Variants in TXNRD2 observed in about 807,000 individuals in gnomAD.
TXNRD2 encodes the protein thioredoxin reductase 2.
TXNRD2 carries 67 observed loss-of-function variants against 70.8 expected under a neutral mutation model. That is an observed-to-expected ratio of 0.95 (90% CI 0.78 to 1.16). The LOEUF (loss-of-function observed/expected upper bound fraction) is 1.16. TXNRD2 is among the 50% of genes most tolerant of loss of function. TXNRD2 has a pLI of 0.00. For missense variants in TXNRD2, 644 were observed against 719.9 expected (o/e 0.89, Z 1.21); for synonymous variants, 301 against 295.8 (o/e 1.02, Z -0.18).
intron 16 of TXNRD2, among the ~76,000 whole-genome samples, chr22:19,877,882 T>C (rs562010469): frequency 3.3e-5 from 5 of 152,328 alleles, no homozygotes; most frequent in African/African-American, 1.2e-4. Flanking sequence ...TGGCTCTGGC[T>C]GGCTCAACAG....
Position 19,918,997 on chromosome 22 carries a change from C to T in TXNRD2, c.237G>A (p.Arg79=), listed in dbSNP as rs768382426. 7 of 1,609,814 alleles carry T rather than the reference C, an allele frequency of 4.3e-6. No homozygotes were observed. The highest frequency in any genetic ancestry group is 5.9e-6 in the Non-Finnish European group (7 of 1,179,678). ...DYVEPSPQGT[R]WGLGGTCVNV... is the part of the protein sequence containing the mutation. ...TGACGCAGGTGCCGCCGAGGCCCCA[C>T]CGGGTGCCTGGGACGTGGGAAGAGC... The change falls in exon 4 of 18, where the codon CGG becomes CGA. Residue 79 remains arginine (R), a synonymous_variant. Coordinates refer to ENST00000400521, the MANE Select transcript of TXNRD2 (RefSeq NM_006440.5).
At chr22:19,923,191 C>T (rs1275795916) in intron 2 of TXNRD2, among the ~76,000 whole-genome samples, 1 of 152,174 alleles carries the variant, frequency 6.6e-6, no homozygotes, top group Non-Finnish European at 1.5e-5. Context: ...TAACTCTTAA[C>T]TATCTCCACC....
At chr22:19,932,705 C>T (rs1362263555) in intron 1 of TXNRD2, among the ~76,000 whole-genome samples, 2 of 152,178 alleles carry the variant, frequency 1.3e-5, no homozygotes, top group South Asian at 2.1e-4. Flanking sequence ...TCTGCAGACA[C>T]GAGCCTGCCC....
chr22:19,876,923 T>C, intron 17 of TXNRD2, 117 bp downstream of exon 17: 1 of 671,182 alleles, frequency 1.5e-6, no homozygotes, highest in Non-Finnish European at 2.3e-6. Context: ...GGAGCACCCA[T>C]TCTGGGTGGC....
At chr22:19,884,259 G>A (rs1601391116) in intron 11 of TXNRD2, 3 of 152,506 alleles carry the variant, frequency 2.0e-5, no homozygotes, top group East Asian at 3.9e-4. Flanking sequence ...ACGGACACTG[G>A]TCAGATGACA....
At chr22:19,940,263 A>AG (rs1305791428) in intron 1 of TXNRD2, among the ~76,000 whole-genome samples, 1 of 151,374 alleles carries the variant, frequency 6.6e-6, no homozygotes, top group African/African-American at 2.4e-5. Context: ...AAAAAAAAAA[A>AG]AAACCCCAAA....
At chr22:19,911,227 C>T in intron 8 of TXNRD2, 150 bp downstream of exon 8, 1 of 722,198 alleles carries the variant, frequency 1.4e-6, no homozygotes. Context: ...TGAGCCACCA[C>T]ACCTGGCCAC....
chr22:19,880,086 C>T (rs1399803252), intron 14 of TXNRD2, 93 bp downstream of exon 14: 4 of 1,343,480 alleles, frequency 3.0e-6, no homozygotes, highest in South Asian at 2.4e-5. Flanking sequence ...AAAGGAGAGA[C>T]CTTGGCACCC....
chr22:19,918,312 G>T (rs1222493706), intron 4 of TXNRD2, 95 bp from the exon 5 acceptor site: 2 of 1,150,976 alleles, frequency 1.7e-6, no homozygotes, highest in Non-Finnish European at 2.6e-6. Flanking sequence ...TACATTCATA[G>T]AAATATCAAA....
intron 7 of TXNRD2, among the ~76,000 whole-genome samples, chr22:19,912,390 C>T (rs1940453260): frequency 6.6e-6 from 1 of 152,020 alleles, no homozygotes; most frequent in East Asian, 1.9e-4. Context: ...CCTGAGCTGC[C>T]TGCCTCCTAA....
chr22:19,927,759 A>G (rs1436658971), intron 2 of TXNRD2, among the ~76,000 whole-genome samples: 1 of 152,100 alleles, frequency 6.6e-6, no homozygotes, highest in East Asian at 1.9e-4. Flanking sequence ...CTGACTCTGT[A>G]TCTGTGGGTG....
Position 19,909,809 on chromosome 22 carries a change from ACT to A in TXNRD2, c.662+1566_662+1567del, listed in dbSNP as rs1420097444. ...CACACACACACCACTCACACACACC[ACT>A]CACACACACACCACACACCACACAC... On this transcript the variant is annotated intron_variant, in intron 8 of 17. Transcript: ENST00000400521. Among the ~76,000 whole-genome samples, 138 of 75,394 alleles carry A rather than the reference ACT, an allele frequency of 1.8e-3. 1 individual carries two copies. The highest frequency in any genetic ancestry group is 7.3e-3 in the African/African-American group (131 of 18,006). 49.5% of individuals were successfully genotyped at this position (75,394 alleles called of 152,430 possible).
intron 1 of TXNRD2, among the ~76,000 whole-genome samples, chr22:19,934,935 T>C (rs920012525): frequency 6.6e-6 from 1 of 152,222 alleles, no homozygotes; most frequent in African/African-American, 2.4e-5. Context: ...AAGCTGATAA[T>C]ATACATCACC....
At chr22:19,929,794 G>A (rs1161145702) in intron 2 of TXNRD2, among the ~76,000 whole-genome samples, 2 of 146,400 alleles carry the variant, frequency 1.4e-5, no homozygotes, top group Non-Finnish European at 3.0e-5. Context: ...CTGCGGTACT[G>A]GCTGCATGGA....
At position 19,880,602 on chromosome 22, in the gene TXNRD2, C is replaced by T. The variant is rs369759249; in HGVS notation, c.1182+20G>A. 3.5e-5 allele frequency: 56 copies of T among 1,609,988 alleles called. No homozygotes were observed. The African/African-American group carries it at 4.9e-4, about 14-fold the overall frequency. On this transcript the variant is annotated intron_variant, in intron 13 of 17. Coordinates refer to ENST00000400521, the MANE Select transcript of TXNRD2 (RefSeq NM_006440.5). Reference sequence around the variant, plus strand: ...TCAGCCTGTCCTAGGCTGCACGTGGCGTCCTGCTAGAGAACTCACATTGTC... The same window carrying T: ...TCAGCCTGTCCTAGGCTGCACGTGGTGTCCTGCTAGAGAACTCACATTGTC...
intron 3 of TXNRD2, 34 bp from the exon 4 acceptor site, chr22:19,919,038 T>C (rs1177501648): frequency 6.3e-7 from 1 of 1,598,296 alleles, no homozygotes; most frequent in Admixed American, 1.7e-5. Context: ...TGAATTTATG[T>C]TCAGGTGACT....
intron 8 of TXNRD2, among the ~76,000 whole-genome samples, chr22:19,909,614 C>CT (rs1208845083): frequency 3.4e-4 from 33 of 97,532 alleles, no homozygotes; most frequent in Non-Finnish European, 6.1e-4. Context: ...CACACACACA[C>CT]CACACACACC....
intron 1 of TXNRD2, chr22:19,932,597 G>A: frequency 2.1e-6 from 3 of 1,437,450 alleles, no homozygotes; most frequent in South Asian, 1.4e-5. Context: ...CTGAAGGAAG[G>A]AAGAAATAAT....
intron 11 of TXNRD2, among the ~76,000 whole-genome samples, chr22:19,889,212 T>C (rs894592923): frequency 1.3e-5 from 2 of 152,170 alleles, no homozygotes; most frequent in African/African-American, 2.4e-5. Flanking sequence ...CATTATGATG[T>C]GTAAGACCCC....
Sources: gnomAD v4.1 joint callset for allele counts (sites outside exome capture counted in the v4.1 genomes callset) on GRCh38, gnomAD v4.1.1 for gene constraint, MANE v1.5 for transcripts, NCBI Gene and HGNC (gene_info 2026-07-23, HGNC 2026-07-21) for gene names.